DGCR2: variants seen among roughly 807,000 people sequenced by gnomAD.
DGCR2 encodes integral membrane protein DGCR2/IDD.
DGCR2 carries 24 observed loss-of-function variants against 51.6 expected under a neutral mutation model. That is an observed-to-expected ratio of 0.47 (90% CI 0.34 to 0.65). The LOEUF (loss-of-function observed/expected upper bound fraction) is 0.65. Among genes scored for constraint, DGCR2 ranks in the 30% least tolerant of loss-of-function variants. The pLI, the probability that DGCR2 is intolerant of heterozygous loss-of-function variation, is 0.01. For synonymous variants in DGCR2, 340 were observed against 315.4 expected, an observed-to-expected ratio of 1.08 and a Z score of -0.82; for missense variants, 765 against 772.1, an observed-to-expected ratio of 0.99 and a Z score of 0.11.
intron 1 of DGCR2, among the ~76,000 whole-genome samples, chr22:19,119,219 T>C (rs1422244322): frequency 2.0e-5 from 3 of 152,022 alleles, no homozygotes; most frequent in African/African-American, 4.8e-5. Context: ...ACAGTTGGAG[T>C]GCACAGACCC....
chr22:19,062,779 A>ACTCTCTCTCTCTCACTCTCT, intron 5 of DGCR2, among the ~76,000 whole-genome samples: 1 of 127,354 alleles, frequency 7.9e-6, no homozygotes, highest in South Asian at 2.9e-4. Context: ...ATGCATGCTC[A>ACTCTCTCTCTCTCACTCTCT]CTCTCTCTCT....
In DGCR2 at chr22:19,038,759, T is replaced by C; in HGVS notation, c.*106A>G. 5 of 1,453,876 alleles carry C rather than the reference T, an allele frequency of 3.4e-6. No homozygotes were observed. Among genetic ancestry groups the C allele is most frequent in the South Asian group, 1.3e-5 (1 of 75,336 alleles). The allele number at this position is 1,453,876 out of a possible 1,614,324, so 90.1% of individuals were successfully genotyped here. A position where few individuals can be genotyped will look rare whatever the true frequency, so the allele number is the denominator to read the frequency against. On this transcript the variant is annotated 3_prime_UTR_variant, in exon 10 of 10. Transcript: ENST00000263196. ...CGAGCCCGCCAGTGACGTGCGGCAG[T>C]GCGTGGCGTCCAGGCTGGGACAGGG... is the stretch of plus-strand genomic sequence containing the variant.
intron 9 of DGCR2, among the ~76,000 whole-genome samples, chr22:19,039,683 C>T (rs989226608): frequency 3.3e-5 from 5 of 152,110 alleles, no homozygotes; most frequent in African/African-American, 4.8e-5. Flanking sequence ...GGTAGGCAGT[C>T]GACTCGCTTT....
At chr22:19,087,588 G>T (rs1205905871) in intron 2 of DGCR2, among the ~76,000 whole-genome samples, 1 of 151,572 alleles carries the variant, frequency 6.6e-6, no homozygotes, top group African/African-American at 2.4e-5. Flanking sequence ...ATGTCAGCCA[G>T]ACTGGTCTGA....
intron 2 of DGCR2, among the ~76,000 whole-genome samples, chr22:19,083,174 T>C (rs2082960535): frequency 6.6e-6 from 1 of 152,206 alleles, no homozygotes; most frequent in Non-Finnish European, 1.5e-5. Flanking sequence ...AAACTGAATT[T>C]CCTGTATGTT....
intron 9 of DGCR2, among the ~76,000 whole-genome samples, 161 bp from the exon 10 acceptor site, chr22:19,039,282 AAGG>A (rs2082405901): frequency 1.3e-5 from 2 of 152,184 alleles, no homozygotes; most frequent in East Asian, 3.9e-4. Context: ...TCAGATTTTG[AAGG>A]AGGAGCCTGC....
At chr22:19,082,414 C>T (rs2082949950) in intron 2 of DGCR2, among the ~76,000 whole-genome samples, 1 of 151,666 alleles carries the variant, frequency 6.6e-6, no homozygotes, top group South Asian at 2.1e-4. Context: ...CAAATTCAGT[C>T]ATTTTTATTT....
intron 1 of DGCR2, among the ~76,000 whole-genome samples, chr22:19,111,796 G>C (rs1046348996): frequency 6.6e-6 from 1 of 151,962 alleles, no homozygotes; most frequent in African/African-American, 2.4e-5. Context: ...CACAATGTCA[G>C]CACTTGGGCC....
chr22:19,107,881 C>T (rs567316232), intron 1 of DGCR2, among the ~76,000 whole-genome samples: 1 of 152,358 alleles, frequency 6.6e-6, no homozygotes, highest in East Asian at 1.9e-4. Flanking sequence ...ATCATAGCCA[C>T]AGGATAGCGC....
chr22:19,116,179 C>T (rs1000838952), intron 1 of DGCR2, among the ~76,000 whole-genome samples: 1 of 152,224 alleles, frequency 6.6e-6, no homozygotes, highest in Non-Finnish European at 1.5e-5. Flanking sequence ...GATGAGAAGG[C>T]TTGATCTAAT....
chr22:19,063,783 AG>A (rs1243516897), intron 4 of DGCR2, among the ~76,000 whole-genome samples: 4 of 152,174 alleles, frequency 2.6e-5, no homozygotes, highest in Non-Finnish European at 5.9e-5. Context: ...AAACCGGTAA[AG>A]CTTTCACAAT....
intron 1 of DGCR2, among the ~76,000 whole-genome samples, chr22:19,098,368 T>G (rs1235562282): frequency 6.6e-6 from 1 of 152,344 alleles, no homozygotes; most frequent in Non-Finnish European, 1.5e-5. Flanking sequence ...AGATGATAAG[T>G]ATTTCCAGGT....
chr22:19,099,749 T>A (rs570111573), intron 1 of DGCR2, among the ~76,000 whole-genome samples: 1 of 150,568 alleles, frequency 6.6e-6, no homozygotes, highest in Non-Finnish European at 1.5e-5. Context: ...GGCACGTGGA[T>A]CACAAGGTCA....
Position 19,068,233 on chromosome 22 carries a change from C to A in DGCR2, c.203-8G>T, listed in dbSNP as rs1285635900. 6.3e-7 allele frequency: 1 copy of A among 1,585,282 alleles called. No homozygotes were observed. ...GCACCTCCCCGGTCACTTCTGAAAG[C>A]AAAAGGAGATGTGTGCTGTGAGTCC... On this transcript the variant is annotated splice_region_variant and splice_polypyrimidine_tract_variant and intron_variant, in intron 2 of 9. Coordinates refer to ENST00000263196, the MANE Select transcript of DGCR2 (RefSeq NM_005137.3).
chr22:19,087,500 C>CT (rs2083030268), intron 2 of DGCR2, among the ~76,000 whole-genome samples: 1 of 152,126 alleles, frequency 6.6e-6, no homozygotes, highest in African/African-American at 2.4e-5. Context: ...AGTGATTCTC[C>CT]TGCCTCAGCT....
chr22:19,113,381 AT>A (rs1342150893), intron 1 of DGCR2, among the ~76,000 whole-genome samples: 24 of 125,412 alleles, frequency 1.9e-4, no homozygotes, highest in East Asian at 1.7e-3. Context: ...AAAAATAAAA[AT>A]AAAAAAAAAA....
At chr22:19,054,326 G>A (rs1213422030) in intron 6 of DGCR2, among the ~76,000 whole-genome samples, 9 of 152,232 alleles carry the variant, frequency 5.9e-5, no homozygotes, top group South Asian at 2.1e-4. Flanking sequence ...AGCAAATGCA[G>A]TAAAACTGAA....
rs564289217 is a variant in DGCR2 at position 19,054,729 on chromosome 22, G to A, written c.802+2257C>T. On this transcript the variant is annotated intron_variant, in intron 6 of 9. Transcript: ENST00000263196. ...TGCATTCTTGCCTGGGCAACACAGTGATGCCCCACCTTAAAAAAAAAAAAA... is the reference window on the plus strand; with the variant it reads ...TGCATTCTTGCCTGGGCAACACAGTAATGCCCCACCTTAAAAAAAAAAAAA... Among the ~76,000 whole-genome samples, 5 of 139,826 alleles carry A rather than the reference G, an allele frequency of 3.6e-5. No individual in the cohort carries two copies. In the South Asian group the frequency reaches 1.2e-3, roughly 33 times the overall value. 91.7% of individuals were successfully genotyped at this position (139,826 alleles called of 152,430 possible).
chr22:19,094,015 AAT>A (rs1252843174), intron 1 of DGCR2, among the ~76,000 whole-genome samples: 1 of 147,252 alleles, frequency 6.8e-6, no homozygotes, highest in Middle Eastern at 3.2e-3. Context: ...TCTAAAAAAA[AAT>A]AATAAATAAA....
Sources: gnomAD v4.1 joint callset for allele counts (sites outside exome capture counted in the v4.1 genomes callset) on GRCh38, gnomAD v4.1.1 for gene constraint, MANE v1.5 for transcripts, NCBI Gene and HGNC (gene_info 2026-07-23, HGNC 2026-07-21) for gene names.